Variants in CDH8 observed in about 807,000 individuals in gnomAD.
The protein encoded by CDH8 is cadherin-8.
A neutral mutation model predicts 68.1 loss-of-function variants in CDH8; 17 were observed. The observed-to-expected ratio is 0.25, with a 90% confidence interval of 0.17 to 0.37. The LOEUF (loss-of-function observed/expected upper bound fraction) is 0.37. CDH8 is among the 10% of genes least tolerant of loss of function. The pLI, the probability that CDH8 is intolerant of heterozygous loss-of-function variation, is 1.00. For missense variants in CDH8, 763 were observed against 999.3 expected (o/e 0.76, Z 3.19); for synonymous variants, 372 against 365.1 (o/e 1.02, Z -0.21).
chr16:61,977,773 G>A (rs755102898), intron 2 of CDH8, among the ~76,000 whole-genome samples: 86 of 152,084 alleles, frequency 5.7e-4, no homozygotes, highest in Non-Finnish European at 2.8e-4. Context: ...TTGGATAAAC[G>A]ATGTCCAAAC....
intron 4 of CDH8, among the ~76,000 whole-genome samples, chr16:61,832,331 A>G (rs560354719): frequency 2.7e-4 from 39 of 143,190 alleles, no homozygotes; most frequent in Non-Finnish European, 4.9e-4. Flanking sequence ...ACAGATAGAT[A>G]ATAGATAGAT....
chr16:61,731,968 T>G (rs1296968392), intron 8 of CDH8, among the ~76,000 whole-genome samples: 1 of 151,446 alleles, frequency 6.6e-6, no homozygotes, highest in Middle Eastern at 3.2e-3. Flanking sequence ...AGTAGGAAAT[T>G]ACCATAACCA....
At chr16:61,973,810 G>A (rs1183467183) in intron 2 of CDH8, among the ~76,000 whole-genome samples, 1 of 152,188 alleles carries the variant, frequency 6.6e-6, no homozygotes, top group African/African-American at 2.4e-5. Flanking sequence ...TTTGCAAATC[G>A]ATATCCAGTC....
intron 7 of CDH8, among the ~76,000 whole-genome samples, chr16:61,790,279 T>C: frequency 6.6e-6 from 1 of 151,998 alleles, no homozygotes; most frequent in Non-Finnish European, 1.5e-5. Flanking sequence ...AGTATCAGGG[T>C]AGTATCAAGA....
chr16:61,834,354 A>G (rs1479933596), intron 4 of CDH8, among the ~76,000 whole-genome samples: 3 of 151,868 alleles, frequency 2.0e-5, no homozygotes, highest in African/African-American at 7.2e-5. Flanking sequence ...ATTCCATCAC[A>G]GCCTGAGTCA....
At chr16:62,028,595 A>T (rs886444716) in intron 1 of CDH8, among the ~76,000 whole-genome samples, 3 of 152,216 alleles carry the variant, frequency 2.0e-5, no homozygotes, top group Admixed American at 1.3e-4. Context: ...AAGACAATAA[A>T]GTCAAAATAA....
chr16:61,868,783 G>A (rs17249045), intron 3 of CDH8, among the ~76,000 whole-genome samples: 20,973 of 152,158 alleles, frequency 0.14, 1,513 homozygotes, highest in Middle Eastern at 0.21. Context: ...GTACATGCAT[G>A]CTTAGAGAGA....
intron 2 of CDH8, among the ~76,000 whole-genome samples, chr16:62,000,921 T>G (rs1222571395): frequency 6.6e-6 from 1 of 152,206 alleles, no homozygotes; most frequent in African/African-American, 2.4e-5. Flanking sequence ...TGCATTATCA[T>G]TATAGTTAAC....
intron 8 of CDH8, among the ~76,000 whole-genome samples, chr16:61,732,817 T>C (rs887743365): frequency 2.6e-5 from 4 of 151,852 alleles, no homozygotes; most frequent in Admixed American, 2.6e-4. Flanking sequence ...TCGTATATAA[T>C]AGTATTGCTG....
At chr16:61,953,449 G>A (rs966309427) in intron 2 of CDH8, among the ~76,000 whole-genome samples, 1 of 151,850 alleles carries the variant, frequency 6.6e-6, no homozygotes. Context: ...TGTTATTAAT[G>A]GGAAAACTGA....
At chr16:61,736,635 A>C (rs1266490168) in intron 8 of CDH8, among the ~76,000 whole-genome samples, 1 of 152,200 alleles carries the variant, frequency 6.6e-6, no homozygotes, top group Non-Finnish European at 1.5e-5. Flanking sequence ...ATATTATATG[A>C]ACAGACATGA....
chr16:61,828,076 A>T (rs1962380708), intron 4 of CDH8, among the ~76,000 whole-genome samples: 1 of 151,834 alleles, frequency 6.6e-6, no homozygotes, highest in Admixed American at 6.6e-5. Context: ...CAAGATACAG[A>T]TCATAAAGAC....
chr16:61,981,670 G>GTGTGTGTT (rs1404683586), intron 2 of CDH8, among the ~76,000 whole-genome samples: 5 of 151,806 alleles, frequency 3.3e-5, no homozygotes, highest in African/African-American at 1.2e-4. Context: ...GTGTGTGTGT[G>GTGTGTGTT]TGTGTGTGTG....
At chr16:61,677,951 C>A (rs1239785984) in intron 10 of CDH8, among the ~76,000 whole-genome samples, 1 of 151,982 alleles carries the variant, frequency 6.6e-6, no homozygotes. Flanking sequence ...TGATAAGAAA[C>A]CTTTACAATC....
chr16:61,797,916 C>T (rs1186032574), intron 7 of CDH8, among the ~76,000 whole-genome samples: 1 of 152,076 alleles, frequency 6.6e-6, no homozygotes, highest in Non-Finnish European at 1.5e-5. Flanking sequence ...TTTCAGGTCT[C>T]ATTTCTTCAG....
chr16:61,864,570 A>G (rs942367503), intron 3 of CDH8, among the ~76,000 whole-genome samples: 8 of 152,168 alleles, frequency 5.3e-5, no homozygotes, highest in Non-Finnish European at 1.0e-4. Flanking sequence ...AAATTCTACC[A>G]GTATTTTTCA....
chr16:62,002,771 T>G (rs1427574908), intron 2 of CDH8, among the ~76,000 whole-genome samples: 3 of 152,246 alleles, frequency 2.0e-5, no homozygotes, highest in Admixed American at 2.0e-4. Flanking sequence ...AAAACAAATT[T>G]GGCCGGGTGC....
intron 10 of CDH8, among the ~76,000 whole-genome samples, chr16:61,657,943 C>A (rs750149349): frequency 6.6e-6 from 1 of 152,004 alleles, no homozygotes; most frequent in African/African-American, 2.4e-5. Flanking sequence ...TTTTACTAAT[C>A]CTGGAATTTG....
At chr16:61,723,363 G>T (rs1959250984) in intron 9 of CDH8, among the ~76,000 whole-genome samples, 1 of 150,596 alleles carries the variant, frequency 6.6e-6, no homozygotes, top group African/African-American at 2.4e-5. Flanking sequence ...CACTCGTCCA[G>T]CCAGATTACC....
Sources: allele counts gnomAD v4.1 joint callset (sites outside exome capture counted in the v4.1 genomes callset), GRCh38; gene constraint gnomAD v4.1.1; transcripts MANE v1.5; gene names NCBI Gene and HGNC (gene_info 2026-07-23, HGNC 2026-07-21).